The following CFTR variants were observed in gnomAD, a reference collection of about 807,000 sequenced individuals.
CFTR encodes cystic fibrosis transmembrane conductance regulator.
Under a neutral mutation model 171.6 loss-of-function variants are expected in CFTR, and 181 were observed. That is an observed-to-expected ratio of 1.05 (90% confidence interval 0.93 to 1.19). CFTR has a LOEUF of 1.19. Ranked by LOEUF, CFTR falls within the 50% of genes most tolerant of loss-of-function variation. The pLI is 0.00. For synonymous variants in CFTR, 583 were observed against 608.0 expected, an observed-to-expected ratio of 0.96 and a Z score of 0.60; for missense variants, 1,968 against 1,734.7, an observed-to-expected ratio of 1.13 and a Z score of -2.39.
intron 11 of CFTR, among the ~76,000 whole-genome samples, chr7:117,581,650 GT>G (rs1458854666): frequency 6.6e-6 from 1 of 152,176 alleles, no homozygotes; most frequent in Non-Finnish European, 1.5e-5. Context: ...CCTCAAAGCT[GT>G]TAGTCCAGTA....
At chr7:117,655,635 A>G (rs1422644918) in intron 24 of CFTR, among the ~76,000 whole-genome samples, 2 of 152,088 alleles carry the variant, frequency 1.3e-5, no homozygotes, top group African/African-American at 2.4e-5. Flanking sequence ...TCCAGCCTCT[A>G]CTCATTACCT....
At chr7:117,607,138 C>G (rs1792311826) in intron 18 of CFTR, among the ~76,000 whole-genome samples, 1 of 152,164 alleles carries the variant, frequency 6.6e-6, no homozygotes, top group African/African-American at 2.4e-5. Flanking sequence ...GATGGATTCC[C>G]TGGGTGGGTT....
intron 11 of CFTR, among the ~76,000 whole-genome samples, chr7:117,561,755 A>G (rs1385584757): frequency 3.9e-5 from 6 of 152,156 alleles, no homozygotes; most frequent in Non-Finnish European, 8.8e-5. Context: ...TTGACATATC[A>G]ATAACAAATC....
intron 12 of CFTR, among the ~76,000 whole-genome samples, chr7:117,588,914 A>ACAGGCTT: frequency 6.6e-6 from 1 of 152,128 alleles, no homozygotes. Flanking sequence ...CGGATAATTC[A>ACAGGCTT]CAGGCTTCTA....
At chr7:117,528,063 C>T (rs1277323555) in intron 3 of CFTR, among the ~76,000 whole-genome samples, 4 of 137,208 alleles carry the variant, frequency 2.9e-5, no homozygotes, top group Non-Finnish European at 4.7e-5. Context: ...CCAAGTCAAT[C>T]GTAAGCCAAA....
intron 24 of CFTR, among the ~76,000 whole-genome samples, chr7:117,660,985 T>A (rs1370175063): frequency 6.6e-6 from 1 of 152,194 alleles, no homozygotes; most frequent in Admixed American, 6.5e-5. Flanking sequence ...AAAGAATATA[T>A]GACTAAGCAG....
intron 3 of CFTR, among the ~76,000 whole-genome samples, chr7:117,517,031 C>T (rs1047561654): frequency 5.9e-5 from 9 of 151,800 alleles, no homozygotes; most frequent in African/African-American, 2.2e-4. Context: ...ACATAGGTAT[C>T]AACAACTCTA....
At chr7:117,621,369 G>A (rs1017807137) in intron 21 of CFTR, among the ~76,000 whole-genome samples, 3 of 152,144 alleles carry the variant, frequency 2.0e-5, no homozygotes, top group Non-Finnish European at 4.4e-5. Context: ...AATATTTTCA[G>A]CTTTGTGGGC....
chr7:117,561,721 G>T (rs1389274376), intron 11 of CFTR, among the ~76,000 whole-genome samples: 1 of 152,062 alleles, frequency 6.6e-6, no homozygotes, highest in Non-Finnish European at 1.5e-5. Context: ...TATACTTCGG[G>T]AATTTGTGGA....
chr7:117,530,334 G>A (rs1798838459), intron 3 of CFTR, among the ~76,000 whole-genome samples: 1 of 152,158 alleles, frequency 6.6e-6, no homozygotes, highest in African/African-American at 2.4e-5. Flanking sequence ...GCTCTGCTTT[G>A]TGTAGTTGCC....
At chr7:117,625,283 A>G (rs535847289) in intron 21 of CFTR, among the ~76,000 whole-genome samples, 6 of 152,298 alleles carry the variant, frequency 3.9e-5, no homozygotes, top group African/African-American at 1.2e-4. Context: ...TGAGTTGGAA[A>G]GTTACATTTT....
In CFTR at chr7:117,545,384, C is replaced by T. The variant is rs570741218; in HGVS notation, c.1210-3257C>T. Among the ~76,000 whole-genome samples the T allele has an allele frequency of 1.6e-4, 24 of 152,210 alleles. No individual in the cohort carries two copies. The East Asian group carries it at 2.5e-3, about 16-fold the overall frequency. On this transcript the variant is annotated intron_variant, in intron 9 of 26. Coordinates refer to ENST00000003084, the MANE Select transcript of CFTR (RefSeq NM_000492.4). ...CCTCCTTCTGGCTTTTTATGTTCTC[C>T]GTGGGTGACCTCTCTCAGGCTCAAG...
At chr7:117,583,232 AAGTGCTTT>A (rs1440772427) in intron 11 of CFTR, among the ~76,000 whole-genome samples, 1 of 152,108 alleles carries the variant, frequency 6.6e-6, no homozygotes, top group Non-Finnish European at 1.5e-5. Context: ...TTACATGGAT[AAGTGCTTT>A]AGTGGTGATT....
intron 24 of CFTR, among the ~76,000 whole-genome samples, chr7:117,653,614 G>C (rs1285252063): frequency 2.0e-5 from 3 of 152,108 alleles, no homozygotes; most frequent in Non-Finnish European, 4.4e-5. Context: ...ATATGAATTT[G>C]AGGAGGTGGC....
In CFTR at chr7:117,504,322, T is replaced by C. The variant is rs1798379857; in HGVS notation, c.123T>C (p.Pro41=). 3 of 1,609,232 alleles carry C rather than the reference T, an allele frequency of 1.9e-6. No individual in the cohort carries two copies. Among genetic ancestry groups the C allele is most frequent in the Non-Finnish European group, 2.6e-6 (3 of 1,175,646 alleles). Residue 41 remains proline, a synonymous_variant, in exon 2 of 27, where the codon CCT becomes CCC. Coordinates refer to ENST00000003084, the MANE Select transcript of CFTR (RefSeq NM_000492.4). Reference sequence around the variant, plus strand: ...AATTGTCAGACATATACCAAATCCCTTCTGTTGATTCTGCTGACAATCTAT... The same window carrying C: ...AATTGTCAGACATATACCAAATCCCCTCTGTTGATTCTGCTGACAATCTAT... The part of the protein sequence containing the change: ...RLELSDIYQI[P]SVDSADNLSE...
At chr7:117,521,574 A>T (rs1198345518) in intron 3 of CFTR, among the ~76,000 whole-genome samples, 1 of 152,088 alleles carries the variant, frequency 6.6e-6, no homozygotes, top group Non-Finnish European at 1.5e-5. Flanking sequence ...TCTTTTAATT[A>T]ATTTCTCAAA....
At chr7:117,519,670 G>A (rs2116655468) in intron 3 of CFTR, among the ~76,000 whole-genome samples, 1 of 152,030 alleles carries the variant, frequency 6.6e-6, no homozygotes, top group African/African-American at 2.4e-5. Flanking sequence ...AAGGGGAGAA[G>A]TCATCATTAC....
At chr7:117,522,644 A>G (rs1276871227) in intron 3 of CFTR, among the ~76,000 whole-genome samples, 1 of 152,180 alleles carries the variant, frequency 6.6e-6, no homozygotes, top group Non-Finnish European at 1.5e-5. Context: ...GTTTGCTTGT[A>G]CTATTTCATG....
chr7:117,572,606 A>G (rs1299432924), intron 11 of CFTR, among the ~76,000 whole-genome samples: 1 of 151,792 alleles, frequency 6.6e-6, no homozygotes, highest in Non-Finnish European at 1.5e-5. Context: ...TCTCTTTATA[A>G]TACTCTTGGC....
Sources: gnomAD v4.1 joint callset for allele counts (sites outside exome capture counted in the v4.1 genomes callset) on GRCh38, gnomAD v4.1.1 for gene constraint, MANE v1.5 for transcripts, NCBI Gene and HGNC (gene_info 2026-07-23, HGNC 2026-07-21) for gene names.